Variants in PCDH9 observed in about 807,000 individuals in gnomAD.
PCDH9 encodes the protein protocadherin-9.
Under a neutral mutation model 70.6 loss-of-function variants are expected in PCDH9, and 24 were observed. The observed-to-expected ratio is 0.34, with a 90% CI of 0.25 to 0.48. The LOEUF (loss-of-function observed/expected upper bound fraction) is 0.48. Ranked by LOEUF, PCDH9 falls within the 20% of genes least tolerant of loss-of-function variation. PCDH9 has a pLI of 0.99. For missense variants in PCDH9, 1,281 were observed against 1,503.6 expected, an observed-to-expected ratio of 0.85 and a Z score of 2.45; for synonymous variants, 562 against 558.5, an observed-to-expected ratio of 1.01 and a Z score of -0.09.
intron 4 of PCDH9, among the ~76,000 whole-genome samples, chr13:66,619,508 T>C (rs770506143): frequency 1.3e-5 from 2 of 152,228 alleles, no homozygotes; most frequent in Non-Finnish European, 2.9e-5. Context: ...ATGGTCATTT[T>C]TTAAGCTTGA....
chr13:66,702,551 C>T (rs894621998), intron 3 of PCDH9, among the ~76,000 whole-genome samples: 2 of 152,216 alleles, frequency 1.3e-5, no homozygotes, highest in Admixed American at 6.6e-5. Flanking sequence ...TTGCTAAGAG[C>T]GTTGGTCTTA....
At chr13:66,561,628 A>G (rs1375826526) in intron 4 of PCDH9, among the ~76,000 whole-genome samples, 1 of 152,138 alleles carries the variant, frequency 6.6e-6, no homozygotes, top group Non-Finnish European at 1.5e-5. Flanking sequence ...GAATGCACCA[A>G]TCCACACTCT....
chr13:66,481,698 T>C (rs1040178571), intron 4 of PCDH9, among the ~76,000 whole-genome samples: 4 of 152,188 alleles, frequency 2.6e-5, no homozygotes, highest in African/African-American at 7.2e-5. Flanking sequence ...TGTTAAACCT[T>C]ATAAACAGCA....
chr13:66,369,128 G>A (rs1956603000), intron 4 of PCDH9, among the ~76,000 whole-genome samples: 1 of 152,088 alleles, frequency 6.6e-6, no homozygotes, highest in Admixed American at 6.6e-5. Context: ...CTAGTCTTTA[G>A]AAATGGCTGC....
At chr13:66,338,011 T>C (rs1956065269) in intron 4 of PCDH9, among the ~76,000 whole-genome samples, 1 of 152,104 alleles carries the variant, frequency 6.6e-6, no homozygotes, top group Non-Finnish European at 1.5e-5. Flanking sequence ...CAGATGGACC[T>C]GGCTCCAGAT....
intron 3 of PCDH9, among the ~76,000 whole-genome samples, chr13:66,737,437 G>A (rs894882669): frequency 6.6e-6 from 1 of 152,222 alleles, no homozygotes; most frequent in African/African-American, 2.4e-5. Context: ...TGAGTTGGCA[G>A]TCTATTTACT....
intron 4 of PCDH9, among the ~76,000 whole-genome samples, chr13:66,430,341 A>G (rs1957749540): frequency 6.6e-6 from 1 of 152,062 alleles, no homozygotes. Context: ...AATAAATACA[A>G]TAAATTTTGC....
At chr13:66,733,125 C>T (rs1372095070) in intron 3 of PCDH9, among the ~76,000 whole-genome samples, 1 of 152,098 alleles carries the variant, frequency 6.6e-6, no homozygotes, top group Non-Finnish European at 1.5e-5. Context: ...ATAAAGATTT[C>T]AGACCTGGCT....
intron 2 of PCDH9, among the ~76,000 whole-genome samples, chr13:67,060,367 G>A (rs1371081162): frequency 6.6e-6 from 1 of 152,082 alleles, no homozygotes; most frequent in Admixed American, 6.6e-5. Flanking sequence ...CATCTTGGAA[G>A]TGGAGGGCTA....
intron 4 of PCDH9, among the ~76,000 whole-genome samples, chr13:66,408,767 A>G (rs1053082889): frequency 2.0e-5 from 3 of 151,906 alleles, no homozygotes; most frequent in African/African-American, 7.3e-5. Flanking sequence ...AGTCACATAC[A>G]CGAAATCACT....
Position 67,080,738 on chromosome 13 carries a change from C to T in PCDH9, c.3036+144667G>A, listed in dbSNP as rs185948262. On this transcript the variant is annotated intron_variant, in intron 2 of 4. Coordinates refer to ENST00000377865, the MANE Select transcript of PCDH9 (RefSeq NM_203487.3). ...GGCAAACTGCCTTAAAATTAATTGTCCTATATTAGCAACCTATTAAGATGG... is the reference window on the plus strand; with the variant it reads ...GGCAAACTGCCTTAAAATTAATTGTTCTATATTAGCAACCTATTAAGATGG... Among the ~76,000 whole-genome samples the T allele has an allele frequency of 2.9e-4, 44 of 152,300 alleles. No homozygotes were observed. The Middle Eastern group carries it at 0.017, about 59-fold the overall frequency.
At chr13:66,894,228 CTG>C (rs2082140073) in intron 3 of PCDH9, among the ~76,000 whole-genome samples, 1 of 151,920 alleles carries the variant, frequency 6.6e-6, no homozygotes, top group African/African-American at 2.4e-5. Context: ...ACGACTTAAT[CTG>C]TATTTAATAT....
chr13:66,413,198 A>G (rs1957400365), intron 4 of PCDH9, among the ~76,000 whole-genome samples: 1 of 152,210 alleles, frequency 6.6e-6, no homozygotes, highest in Non-Finnish European at 1.5e-5. Context: ...TATAAACTAC[A>G]GGATACAGTT....
At chr13:66,471,559 T>A (rs1033169043) in intron 4 of PCDH9, among the ~76,000 whole-genome samples, 1 of 152,162 alleles carries the variant, frequency 6.6e-6, no homozygotes, top group Non-Finnish European at 1.5e-5. Context: ...ACCTAACACA[T>A]ATATCATATT....
chr13:66,948,230 A>T (rs905990837), intron 2 of PCDH9, among the ~76,000 whole-genome samples: 1 of 152,094 alleles, frequency 6.6e-6, no homozygotes, highest in Non-Finnish European at 1.5e-5. Flanking sequence ...AAACTGTATA[A>T]ATGTTAATAT....
chr13:67,078,592 A>C (rs2085924270), intron 2 of PCDH9, among the ~76,000 whole-genome samples: 1 of 152,150 alleles, frequency 6.6e-6, no homozygotes, highest in Non-Finnish European at 1.5e-5. Context: ...TGGTAAGCTC[A>C]AATCCCAAAT....
At chr13:66,833,393 C>T (rs1372405267) in intron 3 of PCDH9, among the ~76,000 whole-genome samples, 1 of 152,138 alleles carries the variant, frequency 6.6e-6, no homozygotes, top group African/African-American at 2.4e-5. Context: ...GACATGCCAG[C>T]TCCTCCATAC....
chr13:66,538,300 A>C (rs565837349), intron 4 of PCDH9, among the ~76,000 whole-genome samples: 1 of 152,318 alleles, frequency 6.6e-6, no homozygotes, highest in South Asian at 2.1e-4. Flanking sequence ...GCAATGATTT[A>C]ATACTTTTCA....
At chr13:66,950,784 A>G (rs1234373209) in intron 2 of PCDH9, among the ~76,000 whole-genome samples, 2 of 152,124 alleles carry the variant, frequency 1.3e-5, no homozygotes, top group Non-Finnish European at 2.9e-5. Context: ...AAACCATGTG[A>G]AGAGCTTAAA....
Sources: allele counts gnomAD v4.1 joint callset (sites outside exome capture counted in the v4.1 genomes callset), GRCh38; gene constraint gnomAD v4.1.1; transcripts MANE v1.5; gene names NCBI Gene and HGNC (gene_info 2026-07-23, HGNC 2026-07-21).